EGF: variants seen among roughly 807,000 people sequenced by gnomAD.
EGF encodes pro-epidermal growth factor.
A neutral mutation model predicts 143.8 loss-of-function variants in EGF; 95 were observed. That is an observed-to-expected ratio of 0.66 (90% CI 0.56 to 0.78). The LOEUF (loss-of-function observed/expected upper bound fraction) is 0.78. EGF is among the 30% of genes least tolerant of loss of function. EGF has a pLI of 0.00. For missense variants in EGF, 1,320 were observed against 1,470.9 expected (o/e 0.90, Z 1.68); for synonymous variants, 510 against 510.5 (o/e 1.00, Z 0.01).
At chr4:109,967,855 A>C (rs184474395) in intron 10 of EGF, among the ~76,000 whole-genome samples, 108 of 152,300 alleles carry the variant, frequency 7.1e-4, no homozygotes, top group African/African-American at 2.5e-3. Flanking sequence ...CACAGTAGTA[A>C]AAATTTGTGT....
Position 109,994,752 on chromosome 4 carries a change from C to T in EGF, c.2877C>T (p.His959=). 3 of 1,614,114 alleles carry T rather than the reference C, an allele frequency of 1.9e-6. No individual in the cohort carries two copies. Among genetic ancestry groups the T allele is most frequent in the Non-Finnish European group, 2.5e-6 (3 of 1,179,982 alleles). Residue 959 remains histidine, a synonymous_variant, in exon 20 of 24, where the codon CAC becomes CAT. Coordinates refer to ENST00000265171, the MANE Select transcript of EGF (RefSeq NM_001963.6). The stretch of plus-strand genomic sequence containing the variant: ...TTTTAGACTCTACTCCACCCCCTCA[C>T]CTCAGGGAAGATGACCACCACTATT... ...LICPDSTPPP[H]LREDDHHYSV...
Position 110,008,246 on chromosome 4 carries a change from T to C in EGF, c.3370+16T>C. The C allele has an allele frequency of 6.2e-7, 1 of 1,613,876 alleles. No homozygotes were observed. The highest frequency in any genetic ancestry group is 8.5e-7 in the Non-Finnish European group (1 of 1,179,860). ...GCAGCAGATGGTCAGTTTTTATCCCTGGCTCCTGGTGAATGGTTATTTTTA... is the reference window on the plus strand; with the variant it reads ...GCAGCAGATGGTCAGTTTTTATCCCCGGCTCCTGGTGAATGGTTATTTTTA... On this transcript the variant is annotated intron_variant, in intron 23 of 23. Transcript: ENST00000265171.
In EGF at chr4:109,959,419, G is replaced by T; in HGVS notation, c.1048G>T (p.Asp350Tyr). Residue 350 changes from aspartate to tyrosine, a missense_variant, in exon 6 of 24, where the codon GAC (aspartate) becomes TAC (tyrosine). Coordinates refer to ENST00000265171, the MANE Select transcript of EGF (RefSeq NM_001963.6). ...TGCAGAGGGATACGCCCTAAGTCGAGACCGGAAGTACTGTGAAGGTAATGA... is the reference window on the plus strand; with the variant it reads ...TGCAGAGGGATACGCCCTAAGTCGATACCGGAAGTACTGTGAAGGTAATGA... ...MCAEGYALSR[D>Y]RKYCEDVNEC... 6.2e-7 allele frequency: 1 copy of T among 1,613,948 alleles called. No individual in the cohort carries two copies.
rs1370175167 is a variant in EGF at position 109,941,067 on chromosome 4, T to A, written c.249T>A (p.Tyr83Ter). Reference sequence around the variant, plus strand: ...TCTCAGTGATCATGGATTTTCATTATAATGAGAAAAGAATCTATTGGGTGG... The same window carrying A: ...TCTCAGTGATCATGGATTTTCATTAAAATGAGAAAAGAATCTATTGGGTGG... The part of the protein sequence containing the change: ...AGVSVIMDFH[Y>*]NEKRIYWVDL... Residue 83 changes from tyrosine (Y) to a stop codon, truncating the protein, a stop_gained, in exon 2 of 24, where the codon TAT (tyrosine) becomes TAA (stop). Coordinates refer to ENST00000265171, the MANE Select transcript of EGF (RefSeq NM_001963.6). LOFTEE classifies it high-confidence loss of function. The A allele has an allele frequency of 6.2e-7, 1 of 1,613,964 alleles. No individual in the cohort carries two copies. Among genetic ancestry groups the A allele is most frequent in the African/African-American group, 1.3e-5 (1 of 74,934 alleles).
Position 109,967,952 on chromosome 4 carries a change from G to A in EGF, c.1576-1019G>A, listed in dbSNP as rs554694234. ...CCTTTATAGGGCACTTACCATGAAT[G>A]AAACTTGCAGAACTGGAAGTTGCAC... On this transcript the variant is annotated intron_variant, in intron 10 of 23. Transcript: ENST00000265171. 5.9e-5 allele frequency among the ~76,000 whole-genome samples: 9 copies of A among 152,254 alleles called. No individual in the cohort carries two copies. The South Asian group carries it at 8.3e-4, about 14-fold the overall frequency.
intron 1 of EGF, among the ~76,000 whole-genome samples, chr4:109,924,782 T>C (rs893706830): frequency 6.6e-6 from 1 of 152,194 alleles, no homozygotes; most frequent in African/African-American, 2.4e-5. Context: ...AGCTTTTTGT[T>C]GGCTACGTAA....
chr4:109,960,733 A>C, intron 6 of EGF, 134 bp from the exon 7 acceptor site: 1 of 1,011,604 alleles, frequency 9.9e-7, no homozygotes. Flanking sequence ...TAGAGTATGG[A>C]AAACAGACTT....
At chr4:109,953,944 A>G (rs759846204) in intron 5 of EGF, among the ~76,000 whole-genome samples, 33 of 152,218 alleles carry the variant, frequency 2.2e-4, no homozygotes, top group Non-Finnish European at 3.2e-4. Flanking sequence ...CATACCTTGT[A>G]TTTTCCATCT....
Position 109,961,550 on chromosome 4 carries a change from T to C in EGF, c.1190-313T>C, listed in dbSNP as rs557117963. 7.2e-5 allele frequency among the ~76,000 whole-genome samples: 11 copies of C among 152,298 alleles called. No homozygotes were observed. In the South Asian group the frequency reaches 2.1e-3, roughly 29 times the overall value. On this transcript the variant is annotated intron_variant, in intron 7 of 23. Coordinates refer to ENST00000265171, the MANE Select transcript of EGF (RefSeq NM_001963.6). ...TTTTTTAATTTTTAAAAATAACTAT[T>C]GGGTACTACATTTCATTGTATATCT...
At chr4:109,937,515 T>C (rs1463928157) in intron 1 of EGF, among the ~76,000 whole-genome samples, 1 of 152,208 alleles carries the variant, frequency 6.6e-6, no homozygotes, top group African/African-American at 2.4e-5. Context: ...TGTCTTTTAA[T>C]TGGGGCATTT....
At chr4:109,916,138 G>A (rs1441483234) in intron 1 of EGF, among the ~76,000 whole-genome samples, 1 of 152,156 alleles carries the variant, frequency 6.6e-6, no homozygotes, top group Non-Finnish European at 1.5e-5. Flanking sequence ...CTGCGGGAGG[G>A]ATCCTGGGGT....
chr4:110,004,151 A>T (rs1752923714), intron 21 of EGF: 1 of 364,910 alleles, frequency 2.7e-6, no homozygotes, highest in Non-Finnish European at 5.3e-6. Context: ...TATAGTTAGT[A>T]CTCAATAGAT....
In EGF at chr4:109,960,645, G is replaced by A. The variant is rs6837717; in HGVS notation, c.1067-222G>A. 0.27 allele frequency among the ~76,000 whole-genome samples: 41,619 copies of A among 151,940 alleles called. 6,166 individuals are homozygous for A. The highest frequency in any genetic ancestry group is 0.37 in the Middle Eastern group (108 of 290). On this transcript the variant is annotated intron_variant, in intron 6 of 23. Coordinates refer to ENST00000265171, the MANE Select transcript of EGF (RefSeq NM_001963.6). ...GGGTGACAGAGCCAGACTCTATCTC[G>A]GGGAAAACAAAAGCATAAAATGTGA...
Position 109,976,248 on chromosome 4 carries a change from G to A in EGF, c.2053+13G>A, listed in dbSNP as rs1277915409. Reference sequence around the variant, plus strand: ...CAGAATGATGTAGGTGAGGCTTTGGGATGGGCGATTTTTTCATCTTGACTG... The same window carrying A: ...CAGAATGATGTAGGTGAGGCTTTGGAATGGGCGATTTTTTCATCTTGACTG... On this transcript the variant is annotated intron_variant, in intron 13 of 23. Coordinates refer to ENST00000265171, the MANE Select transcript of EGF (RefSeq NM_001963.6). 3.1e-6 allele frequency: 5 copies of A among 1,610,242 alleles called. No individual in the cohort carries two copies. In the South Asian group the frequency reaches 4.4e-5, roughly 14 times the overall value.
At chr4:109,919,287 G>GTC (rs58110007) in intron 1 of EGF, among the ~76,000 whole-genome samples, 1,868 of 75,772 alleles carry the variant, frequency 0.025, 80 homozygotes, top group Non-Finnish European at 0.026. Context: ...ATGCTTCTCT[G>GTC]TCTCTCTCTC....
Position 109,963,312 on chromosome 4 carries a change from T to C in EGF, c.1438+14T>C. 6.2e-7 allele frequency: 1 copy of C among 1,613,914 alleles called. No individual in the cohort carries two copies. Among genetic ancestry groups the C allele is most frequent in the South Asian group, 1.1e-5 (1 of 91,080 alleles). On this transcript the variant is annotated intron_variant, in intron 9 of 23. Coordinates refer to ENST00000265171, the MANE Select transcript of EGF (RefSeq NM_001963.6). ...GTGCAGCTTCAGGTTAGTGCTGTGG[T>C]TGTCTGGAACTGTGTCCCTGAAAAA...
intron 21 of EGF, chr4:110,004,251 C>CACACAA (rs1252687344): frequency 2.0e-6 from 1 of 490,694 alleles, no homozygotes; most frequent in African/African-American, 2.0e-5. Flanking sequence ...CACACACACA[C>CACACAA]AAACACACAC....
chr4:109,928,698 C>A (rs1008502232), intron 1 of EGF, among the ~76,000 whole-genome samples: 5 of 152,052 alleles, frequency 3.3e-5, no homozygotes, highest in Non-Finnish European at 5.9e-5. Context: ...TCAGGGTCTG[C>A]TATTTGTCGT....
intron 1 of EGF, among the ~76,000 whole-genome samples, chr4:109,928,054 A>G (rs973037591): frequency 2.0e-5 from 3 of 152,190 alleles, no homozygotes; most frequent in African/African-American, 7.2e-5. Context: ...TGAGTTTTAA[A>G]AGTTATAATG....
Sources: allele counts gnomAD v4.1 joint callset (sites outside exome capture counted in the v4.1 genomes callset), GRCh38; gene constraint gnomAD v4.1.1; transcripts MANE v1.5; gene names NCBI Gene and HGNC (gene_info 2026-07-23, HGNC 2026-07-21).